The following PPFIA1 variants were observed in gnomAD, a reference collection of about 807,000 sequenced individuals.
PPFIA1 encodes PPFI scaffold protein A1, also known as liprin-alpha-1.
Under a neutral mutation model 149.9 loss-of-function variants are expected in PPFIA1, and 25 were observed. The observed-to-expected ratio is 0.17, with a 90% CI of 0.12 to 0.23. The LOEUF is 0.23. Ranked by LOEUF, PPFIA1 falls within the 10% of genes least tolerant of loss-of-function variation. The pLI, the probability that PPFIA1 is intolerant of heterozygous loss-of-function variation, is 1.00. For missense variants in PPFIA1, 1,362 were observed against 1,506.5 expected (o/e 0.90, Z 1.59); for synonymous variants, 549 against 552.8 (o/e 0.99, Z 0.10).
At position 70,272,447 on chromosome 11, in the gene PPFIA1, T is replaced by G. The variant is rs753519454; in HGVS notation, c.264+11T>G. 26 of 1,580,162 alleles carry G rather than the reference T, an allele frequency of 1.6e-5. No homozygotes were observed. Among genetic ancestry groups the G allele is most frequent in the Non-Finnish European group, 1.6e-5 (19 of 1,162,708 alleles). On this transcript the variant is annotated intron_variant, in intron 2 of 27. Transcript: ENST00000253925. ...ACGGCACTTCCACAGGTATGAGTGC[T>G]TTTAACCTGAAACTATAGATTTTTC... is the stretch of plus-strand genomic sequence containing the variant.
At chr11:70,280,064 C>T (rs1288852579) in intron 2 of PPFIA1, among the ~76,000 whole-genome samples, 1 of 151,958 alleles carries the variant, frequency 6.6e-6, no homozygotes, top group African/African-American at 2.4e-5. Flanking sequence ...CGTGCCACCA[C>T]ACCTGGCTAA....
chr11:70,347,856 A>G (rs1203818834), intron 15 of PPFIA1, among the ~76,000 whole-genome samples: 1 of 151,696 alleles, frequency 6.6e-6, no homozygotes, highest in Non-Finnish European at 1.5e-5. Context: ...ACGAAAAATT[A>G]GCCGGGCATG....
intron 2 of PPFIA1, among the ~76,000 whole-genome samples, chr11:70,315,043 C>T (rs2053516629): frequency 6.6e-6 from 1 of 152,138 alleles, no homozygotes; most frequent in Admixed American, 6.5e-5. Context: ...ATCACGAGAA[C>T]GGCATGGGGT....
intron 2 of PPFIA1, among the ~76,000 whole-genome samples, chr11:70,274,666 C>G (rs1222666858): frequency 6.6e-6 from 1 of 152,138 alleles, no homozygotes; most frequent in African/African-American, 2.4e-5. Flanking sequence ...GGGGTTGTTT[C>G]CAGTTTTTAC....
Position 70,295,658 on chromosome 11 carries a change from C to T in PPFIA1, c.264+23222C>T, listed in dbSNP as rs544730563. Among the ~76,000 whole-genome samples, 686 of 140,996 alleles carry T rather than the reference C, an allele frequency of 4.9e-3. 3 individuals carry two copies. The highest frequency in any genetic ancestry group is 0.013 in the Middle Eastern group (3 of 226). 92.5% of individuals were successfully genotyped at this position (140,996 alleles called of 152,430 possible). A position where few individuals can be genotyped will look rare whatever the true frequency, so the allele number is the denominator to read the frequency against. ...CCGGGCAGAGGTGCCCCTCACCTCCCGGACGGGGCGGCTGGCCGGGCCGGG... is the reference window on the plus strand; with the variant it reads ...CCGGGCAGAGGTGCCCCTCACCTCCTGGACGGGGCGGCTGGCCGGGCCGGG... On this transcript the variant is annotated intron_variant, in intron 2 of 27. Transcript: ENST00000253925.
chr11:70,375,801 G>GAA (rs112607936), intron 24 of PPFIA1, among the ~76,000 whole-genome samples: 4 of 122,028 alleles, frequency 3.3e-5, no homozygotes, highest in Admixed American at 8.4e-5. Flanking sequence ...AAAGAAAAAG[G>GAA]AAAAAAAAAA....
chr11:70,330,212 A>G lies in PPFIA1; in HGVS notation c.970A>G (p.Thr324Ala), dbSNP rs1278983724. Residue 324 changes from threonine (T) to alanine (A), a missense_variant, in exon 8 of 28, where the codon ACT (threonine) becomes GCT (alanine). By Grantham distance (58) the Thr-to-Ala change is moderately conservative. Transcript: ENST00000253925. Reference protein sequence around the residue: ...QKEDMEERITTLEKRYLAAQR... With the variant: ...QKEDMEERITALEKRYLAAQR... ...GGAAGATATGGAAGAGAGAATCACT[A>G]CTCTTGAAAAACGCTACCTCGCTGC... 3.7e-6 allele frequency: 6 copies of G among 1,602,852 alleles called. No individual in the cohort carries two copies. Among genetic ancestry groups the G allele is most frequent in the Admixed American group, 1.8e-5 (1 of 56,878 alleles).
At chr11:70,364,130 C>T (rs138413368) in intron 21 of PPFIA1, among the ~76,000 whole-genome samples, 207 of 152,228 alleles carry the variant, frequency 1.4e-3, no homozygotes, top group African/African-American at 4.8e-3. Flanking sequence ...CACTGGTTGC[C>T]TTGTAACCAG....
intron 2 of PPFIA1, among the ~76,000 whole-genome samples, chr11:70,300,242 A>G (rs2052393208): frequency 6.6e-6 from 1 of 152,196 alleles, no homozygotes; most frequent in African/African-American, 2.4e-5. Context: ...GCCAAAGTCA[A>G]GCCTGCATGG....
rs1276918543 is a variant in PPFIA1 at position 70,272,215 on chromosome 11, C to T, written c.43C>T (p.Pro15Ser). 4 of 1,614,038 alleles carry T rather than the reference C, an allele frequency of 2.5e-6. No individual in the cohort carries two copies. In the Admixed American group the frequency reaches 5.0e-5, roughly 20 times the overall value. ...GCCGACCATCAGCGAAGCAGAAGGC[C>T]CCCCTGGAGGAGGTGGAGGCCATGG... ...VMPTISEAEG[P>S]PGGGGGHGSG... The change falls in exon 2 of 28, where the codon CCC becomes TCC. Residue 15 changes from proline to serine, a missense_variant. Pro to Ser is a moderately conservative substitution (Grantham distance 74). Around this residue, in one of 7 missense-constraint regions of PPFIA1, gnomAD observed 100 missense variants for 106.2 expected, o/e 0.94. Transcript: ENST00000253925.
intron 19 of PPFIA1, among the ~76,000 whole-genome samples, chr11:70,360,983 C>G (rs1299089092): frequency 3.9e-5 from 6 of 152,164 alleles, no homozygotes; most frequent in African/African-American, 1.4e-4. Flanking sequence ...TAGGTAAACA[C>G]TTGAGAAATA....
At chr11:70,354,277 CT>C in intron 16 of PPFIA1, 23 bp from the exon 17 acceptor site, 1 of 1,597,048 alleles carries the variant, frequency 6.3e-7, no homozygotes, top group Non-Finnish European at 8.5e-7. Flanking sequence ...TGTTAACTAA[CT>C]TTGCACTTCT....
chr11:70,294,485 G>A (rs1432084720), intron 2 of PPFIA1, among the ~76,000 whole-genome samples: 1 of 152,020 alleles, frequency 6.6e-6, no homozygotes, highest in Non-Finnish European at 1.5e-5. Flanking sequence ...CCTACCTTGA[G>A]TGTAACGAGG....
chr11:70,354,083 G>GC (rs1449287109), intron 16 of PPFIA1: 3 of 503,600 alleles, frequency 6.0e-6, no homozygotes, highest in Non-Finnish European at 1.1e-5. Context: ...GTCCTGTTGG[G>GC]CCCCAGCGCA....
chr11:70,306,146 T>C (rs1262832291), intron 2 of PPFIA1, among the ~76,000 whole-genome samples: 3 of 152,186 alleles, frequency 2.0e-5, no homozygotes, highest in Admixed American at 2.0e-4. Flanking sequence ...GAGTAAAACA[T>C]GCACGCACAC....
intron 2 of PPFIA1, among the ~76,000 whole-genome samples, chr11:70,292,426 A>G (rs2051598512): frequency 6.6e-6 from 1 of 152,220 alleles, no homozygotes; most frequent in East Asian, 1.9e-4. Flanking sequence ...TGTGTGGAGC[A>G]TGGGCTTGGA....
chr11:70,326,219 T>C, intron 5 of PPFIA1, 43 bp from the exon 6 acceptor site: 1 of 1,125,376 alleles, frequency 8.9e-7, no homozygotes, highest in Non-Finnish European at 1.3e-6. Flanking sequence ...TTATTTCTCT[T>C]ATGTAAGGTA....
chr11:70,295,016 C>T (rs1297638244), intron 2 of PPFIA1, among the ~76,000 whole-genome samples: 1 of 152,252 alleles, frequency 6.6e-6, no homozygotes, highest in Non-Finnish European at 1.5e-5. Flanking sequence ...TCCCCGCTTT[C>T]TATTCCACAA....
chr11:70,335,896 G>A (rs1337690324), intron 11 of PPFIA1, among the ~76,000 whole-genome samples: 1 of 152,206 alleles, frequency 6.6e-6, no homozygotes, highest in East Asian at 1.9e-4. Flanking sequence ...CCATTTGTGT[G>A]TATGGGAAAT....
Sources: gnomAD v4.1 joint callset for allele counts (sites outside exome capture counted in the v4.1 genomes callset) on GRCh38, gnomAD v4.1.1 for gene constraint, gnomAD v4.1.1 regional missense constraint, MANE v1.5 for transcripts, NCBI Gene and HGNC (gene_info 2026-07-23, HGNC 2026-07-21) for gene names.